The following GANC variants were observed in gnomAD, a reference collection of about 807,000 sequenced individuals.
The protein encoded by GANC is neutral alpha-glucosidase C.
Under a neutral mutation model 124.2 loss-of-function variants are expected in GANC, and 117 were observed. That is an observed-to-expected ratio of 0.94 (90% confidence interval 0.81 to 1.10). The LOEUF (loss-of-function observed/expected upper bound fraction) is 1.10. Among genes scored for constraint, GANC ranks in the 50% least tolerant of loss-of-function variants. GANC has a pLI of 0.00. For synonymous variants in GANC, 377 were observed against 376.8 expected, an observed-to-expected ratio of 1.00 and a Z score of -0.01; for missense variants, 1,140 against 1,095.0, an observed-to-expected ratio of 1.04 and a Z score of -0.58.
Position 42,348,127 on chromosome 15 carries a change from A to C in GANC, c.2329A>C (p.Ser777Arg), listed in dbSNP as rs138548614. 3 of 1,611,040 alleles carry C rather than the reference A, an allele frequency of 1.9e-6. No homozygotes were observed. The highest frequency in any genetic ancestry group is 2.7e-5 in the African/African-American group (2 of 74,770). ...GATTCCAGTGTTTCAGCGAGGTGGA[A>C]GTGTGATACCAATAAAGACAACTGT... ...DTIPVFQRGG[S>R]VIPIKTTVGK... The change falls in exon 21 of 24, where the codon AGT becomes CGT. Residue 777 changes from serine to arginine, a missense_variant. By Grantham distance (110) the Ser-to-Arg change is moderately radical. Coordinates refer to ENST00000318010, the MANE Select transcript of GANC (RefSeq NM_198141.3).
chr15:42,343,313 C>T (rs1595785237), intron 19 of GANC, 159 bp downstream of exon 19: 1 of 605,330 alleles, frequency 1.7e-6, no homozygotes, highest in East Asian at 2.9e-5. Context: ...CCTCAGAGGT[C>T]AAGAAACTTA....
chr15:42,286,794 T>C (rs1002568776), intron 3 of GANC, among the ~76,000 whole-genome samples: 35 of 152,236 alleles, frequency 2.3e-4, no homozygotes, highest in African/African-American at 8.2e-4. Context: ...TTCTAAGCTA[T>C]GTCACACAAC....
At chr15:42,334,140 T>G (rs1366876806) in intron 15 of GANC, among the ~76,000 whole-genome samples, 1 of 148,210 alleles carries the variant, frequency 6.7e-6, no homozygotes, top group Non-Finnish European at 1.5e-5. Context: ...CAACCTAACT[T>G]CTGGAAAAAA....
chr15:42,345,837 G>A lies in GANC; in HGVS notation c.2304+5G>A, dbSNP rs373916963. The A allele has an allele frequency of 1.2e-5, 19 of 1,591,704 alleles. No individual in the cohort carries two copies. The African/African-American group carries it at 2.3e-4, about 19-fold the overall frequency. Reference sequence around the variant, plus strand: ...ATCCCAGTAGCCTTGGACACTGTAAGTTATTTTCAGACTACTATTTTTACC... The same window carrying A: ...ATCCCAGTAGCCTTGGACACTGTAAATTATTTTCAGACTACTATTTTTACC... On this transcript the variant is annotated splice_donor_5th_base_variant and intron_variant, in intron 20 of 23. Coordinates refer to ENST00000318010, the MANE Select transcript of GANC (RefSeq NM_198141.3).
chr15:42,276,185 A>G (rs1389191796), intron 1 of GANC, 163 bp from the exon 2 acceptor site: 6 of 520,202 alleles, frequency 1.2e-5, no homozygotes, highest in Non-Finnish European at 2.1e-5. Context: ...GTTCTGCAAC[A>G]TAATGTGCTA....
chr15:42,311,485 A>G lies in GANC; in HGVS notation c.1057+639A>G, dbSNP rs144280131. Among the ~76,000 whole-genome samples, 550 of 152,302 alleles carry G rather than the reference A, an allele frequency of 3.6e-3. 5 individuals carry two copies. Among genetic ancestry groups the G allele is most frequent in the African/African-American group, 0.013 (521 of 41,562 alleles). On this transcript the variant is annotated intron_variant, in intron 10 of 23. Transcript: ENST00000318010. ...TATATTAATCCACTCTCACACTGCT[A>G]AGAAGAAATACCTGAAACTGGGCAA...
At chr15:42,345,729 C>CT (rs761900554) in intron 19 of GANC, 29 bp from the exon 20 acceptor site, 3 of 1,480,702 alleles carry the variant, frequency 2.0e-6, no homozygotes, top group East Asian at 4.5e-5. Context: ...CTTATGTACT[C>CT]TTTTTTACTG....
intron 6 of GANC, among the ~76,000 whole-genome samples, chr15:42,301,128 C>A (rs1050188790): frequency 2.8e-4 from 43 of 152,102 alleles, no homozygotes; most frequent in African/African-American, 9.4e-4. Context: ...ACACAGAAGG[C>A]AGGTGATTTC....
At chr15:42,333,620 C>T (rs147056855) in intron 15 of GANC, among the ~76,000 whole-genome samples, 2,361 of 152,248 alleles carry the variant, frequency 0.016, 133 homozygotes, top group Admixed American at 0.11. Context: ...AACTGTGTAA[C>T]TCTGGGTAGA....
At chr15:42,283,397 C>G (rs62019209) in intron 3 of GANC, among the ~76,000 whole-genome samples, 1 of 152,240 alleles carries the variant, frequency 6.6e-6, no homozygotes, top group African/African-American at 2.4e-5. Flanking sequence ...CTACTACTAT[C>G]AGTTTTCTAT....
intron 3 of GANC, among the ~76,000 whole-genome samples, chr15:42,278,901 G>C (rs749131243): frequency 6.6e-6 from 1 of 152,136 alleles, no homozygotes; most frequent in Non-Finnish European, 1.5e-5. Flanking sequence ...AGGCTGAGGT[G>C]GGAGGATCTC....
chr15:42,310,439 G>A lies in GANC; in HGVS notation c.879G>A (p.Glu293=). 6.2e-7 allele frequency: 1 copy of A among 1,612,384 alleles called. No individual in the cohort carries two copies. Among genetic ancestry groups the A allele is most frequent in the Middle Eastern group, 1.7e-4 (1 of 6,048 alleles). ...TGAATGCCTCGGAAACACTGGTGGA[G>A]ATCAATACAGAGCCTGCAGTAGAGG... ...FWLNASETLV[E]INTEPAVEYT... is the part of the protein sequence containing the mutation. Residue 293 remains glutamate, a synonymous_variant, in exon 9 of 24, where the codon GAG becomes GAA. Coordinates refer to ENST00000318010, the MANE Select transcript of GANC (RefSeq NM_198141.3).
intron 20 of GANC, among the ~76,000 whole-genome samples, chr15:42,347,213 A>G (rs1233967030): frequency 7.3e-5 from 11 of 150,020 alleles, no homozygotes; most frequent in Non-Finnish European, 3.0e-5. Context: ...TTGGCCAGTG[A>G]GGAAGGGGCA....
chr15:42,285,461 G>T (rs1238304020), intron 3 of GANC, among the ~76,000 whole-genome samples: 1 of 152,156 alleles, frequency 6.6e-6, no homozygotes, highest in East Asian at 1.9e-4. Flanking sequence ...GCATACTAAG[G>T]TCTAAGGAAA....
chr15:42,296,850 C>CTTT (rs774454911), intron 5 of GANC, among the ~76,000 whole-genome samples: 3 of 134,466 alleles, frequency 2.2e-5, no homozygotes, highest in Admixed American at 7.5e-5. Context: ...TTTCTTTTTC[C>CTTT]TTTTTTTTTT....
At chr15:42,339,370 A>G (rs997415069) in intron 16 of GANC, among the ~76,000 whole-genome samples, 6 of 151,190 alleles carry the variant, frequency 4.0e-5, no homozygotes, top group African/African-American at 1.2e-4. Flanking sequence ...TTATTTAATC[A>G]GGCAGACATT....
intron 7 of GANC, among the ~76,000 whole-genome samples, chr15:42,307,048 A>G (rs998024801): frequency 2.0e-5 from 3 of 152,076 alleles, no homozygotes; most frequent in African/African-American, 7.2e-5. Context: ...CATCTGTCAC[A>G]TTTCTCACCA....
intron 3 of GANC, among the ~76,000 whole-genome samples, chr15:42,287,174 T>G (rs965316545): frequency 5.3e-5 from 8 of 152,238 alleles, no homozygotes; most frequent in Non-Finnish European, 1.0e-4. Context: ...TTGATTTTAG[T>G]GCACCAAGCC....
intron 4 of GANC, among the ~76,000 whole-genome samples, chr15:42,288,515 T>A (rs2412691): frequency 0.91 from 138,504 of 152,204 alleles, 64,372 homozygotes; most frequent in Non-Finnish European, 1. Context: ...ATTTTTACTA[T>A]ATCATTACTG....
Sources: allele counts gnomAD v4.1 joint callset (sites outside exome capture counted in the v4.1 genomes callset), GRCh38; gene constraint gnomAD v4.1.1; transcripts MANE v1.5; gene names NCBI Gene and HGNC (gene_info 2026-07-23, HGNC 2026-07-21).